The following ACSBG1 variants were observed in gnomAD, a reference collection of about 807,000 sequenced individuals.
ACSBG1 encodes acyl-CoA synthetase bubblegum family member 1, also known as long-chain-fatty-acid--CoA ligase ACSBG1.
ACSBG1 carries 39 observed loss-of-function variants against 80.2 expected under a neutral mutation model. The ratio of observed to expected loss-of-function variants is 0.49; its 90% confidence interval spans 0.38 to 0.64. The LOEUF (loss-of-function observed/expected upper bound fraction) is 0.64. Among genes scored for constraint, ACSBG1 ranks in the 30% least tolerant of loss-of-function variants. The probability of loss-of-function intolerance (pLI) is 0.00; values close to 1 mark genes in which losing one functional copy is unlikely to be tolerated. For synonymous variants in ACSBG1, 392 were observed against 379.5 expected, an observed-to-expected ratio of 1.03 and a Z score of -0.38; for missense variants, 828 against 966.4, an observed-to-expected ratio of 0.86 and a Z score of 1.90.
intron 1 of ACSBG1, among the ~76,000 whole-genome samples, chr15:78,230,204 C>G (rs1595909033): frequency 6.6e-6 from 1 of 152,228 alleles, no homozygotes; most frequent in African/African-American, 2.4e-5. Context: ...AGAACACAAG[C>G]TGCCAGAGCA....
chr15:78,219,268 C>T (rs1041539848), intron 1 of ACSBG1, among the ~76,000 whole-genome samples: 9 of 152,042 alleles, frequency 5.9e-5, no homozygotes, highest in Non-Finnish European at 1.2e-4. Context: ...GGTTATTGTG[C>T]ATGGTGGTGC....
At chr15:78,193,682 T>TCCCCCCCCCCCCCCACAGGAGCC in intron 4 of ACSBG1, 56 bp from the exon 5 acceptor site, 5 of 1,560,260 alleles carry the variant, frequency 3.2e-6, no homozygotes, top group Non-Finnish European at 4.3e-6. Context: ...GCCACCCCCT[T>TCCCCCCCCCCCCCCACAGGAGCC]CCCCCACCCC....
At chr15:78,232,926 C>A (rs757435642) in intron 1 of ACSBG1, among the ~76,000 whole-genome samples, 2 of 152,162 alleles carry the variant, frequency 1.3e-5, no homozygotes, top group Non-Finnish European at 2.9e-5. Context: ...GGTGATCCAC[C>A]CGACTCAGCC....
rs545869818 is a variant in ACSBG1 at position 78,177,514 on chromosome 15, C to T, written c.1702+1100G>A. ...TTTCTGGCTACTATCCTCCCCCATG[C>T]AGGGATGTGGGTCCCCTCATCGGCC... On this transcript the variant is annotated intron_variant, in intron 11 of 13. Coordinates refer to ENST00000258873, the MANE Select transcript of ACSBG1 (RefSeq NM_015162.5). This position sits in a 1 kb window ranked among gnomAD's most constrained non-coding sequence, Gnocchi z 4.1. Among the ~76,000 whole-genome samples the T allele has an allele frequency of 2.6e-5, 4 of 152,294 alleles. No homozygotes were observed. The highest frequency in any genetic ancestry group is 5.9e-5 in the Non-Finnish European group (4 of 68,020).
chr15:78,179,517 G>A (rs182556147), intron 10 of ACSBG1, 33 bp downstream of exon 10: 1 of 1,583,156 alleles, frequency 6.3e-7, no homozygotes, highest in Non-Finnish European at 8.7e-7. Context: ...AGGGCGCATG[G>A]GTGTGCATGT....
At chr15:78,222,487 A>G (rs2075366809) in intron 1 of ACSBG1, among the ~76,000 whole-genome samples, 1 of 152,040 alleles carries the variant, frequency 6.6e-6, no homozygotes, top group Non-Finnish European at 1.5e-5. Context: ...ACATGGTGAA[A>G]CCCTGTCTCC....
chr15:78,173,973 T>G (rs767363863), intron 12 of ACSBG1, 134 bp from the exon 13 acceptor site: 340 of 1,091,660 alleles, frequency 3.1e-4, no homozygotes, highest in Non-Finnish European at 4.3e-4. Context: ...GGTTCTAGAA[T>G]GAGTAGCTGC....
rs1182721562 is a variant in ACSBG1 at position 78,194,730 on chromosome 15, T to C, written c.233-4A>G. The C allele has an allele frequency of 6.2e-7, 1 of 1,611,084 alleles. No homozygotes were observed. The highest frequency in any genetic ancestry group is 1.3e-5 in the African/African-American group (1 of 74,860). ...CGAGTCGTCCACAGCGCCTCCTCTG[T>C]GGGGTGGGGGAGACCACAGCTTGGA... On this transcript the variant is annotated splice_polypyrimidine_tract_variant and splice_region_variant and intron_variant, in intron 2 of 13. Coordinates refer to ENST00000258873, the MANE Select transcript of ACSBG1 (RefSeq NM_015162.5).
chr15:78,169,708 G>A lies in ACSBG1; in HGVS notation c.*1736C>T, dbSNP rs554715362. 6.6e-6 allele frequency: 1 copy of A among 152,310 alleles called. No homozygotes were observed. The highest frequency in any genetic ancestry group is 1.9e-4 in the East Asian group (1 of 5,194). 9.4% of individuals were successfully genotyped at this position (152,310 alleles called of 1,614,324 possible). A position where few individuals can be genotyped will look rare whatever the true frequency, so the allele number is the denominator to read the frequency against. On this transcript the variant is annotated 3_prime_UTR_variant, in exon 14 of 14. Coordinates refer to ENST00000258873, the MANE Select transcript of ACSBG1 (RefSeq NM_015162.5). ...GTGTTCAATTATTTTGTTGTCTTGA[G>A]ATTTAATATTCTTTCCAAGAGCTTT... is the stretch of plus-strand genomic sequence containing the variant.
intron 8 of ACSBG1, 135 bp from the exon 9 acceptor site, chr15:78,181,071 G>T: frequency 2.0e-6 from 2 of 1,001,546 alleles, no homozygotes; most frequent in Non-Finnish European, 2.9e-6. Context: ...CGCAAGGGTG[G>T]CACATACTGT....
At chr15:78,220,622 T>C (rs1422290699) in intron 1 of ACSBG1, among the ~76,000 whole-genome samples, 2 of 152,106 alleles carry the variant, frequency 1.3e-5, no homozygotes, top group Non-Finnish European at 2.9e-5. Context: ...AACTCAATAA[T>C]AAGAAGACAA....
chr15:78,199,526 A>G (rs1292555712), intron 2 of ACSBG1, among the ~76,000 whole-genome samples: 1 of 152,078 alleles, frequency 6.6e-6, no homozygotes, highest in African/African-American at 2.4e-5. Flanking sequence ...TTGTCTCTAC[A>G]AAAAGTAGAT....
chr15:78,212,834 G>C (rs1299769533), intron 1 of ACSBG1: 1 of 281,258 alleles, frequency 3.6e-6, no homozygotes, highest in Non-Finnish European at 7.3e-6. Context: ...GGGACACCCT[G>C]CTGTAATTTA....
chr15:78,182,185 C>T, intron 7 of ACSBG1, 40 bp from the exon 8 acceptor site: 1 of 1,589,464 alleles, frequency 6.3e-7, no homozygotes, highest in Non-Finnish European at 8.5e-7. Flanking sequence ...TGTCCACAAG[C>T]CAGCCCTGGC....
intron 1 of ACSBG1, 146 bp downstream of exon 1, chr15:78,234,225 C>T (rs755491476): frequency 7.6e-4 from 891 of 1,165,894 alleles, no homozygotes; most frequent in Middle Eastern, 9.7e-4. Context: ...TTCCATCTTA[C>T]GGATCGCCCA....
intron 9 of ACSBG1, 87 bp from the exon 10 acceptor site, chr15:78,179,867 G>A: frequency 8.5e-7 from 1 of 1,172,188 alleles, no homozygotes; most frequent in Non-Finnish European, 1.2e-6. Flanking sequence ...AGGGTGGTAT[G>A]GTGGTATTCA....
intron 11 of ACSBG1, among the ~76,000 whole-genome samples, chr15:78,176,642 A>G (rs1172626062): frequency 6.6e-6 from 1 of 152,196 alleles, no homozygotes; most frequent in Admixed American, 6.5e-5. Flanking sequence ...TAGAAAACAT[A>G]GGCTGGATGC....
At chr15:78,193,437 G>A (rs2075075811) in intron 5 of ACSBG1, 69 bp downstream of exon 5, 1 of 1,546,208 alleles carries the variant, frequency 6.5e-7, no homozygotes, top group Non-Finnish European at 8.8e-7. Flanking sequence ...AAGGTTCCGT[G>A]TGAGTTGGAG....
chr15:78,174,422 T>C lies in ACSBG1; in HGVS notation c.1805A>G (p.Asp602Gly). 6.2e-7 allele frequency: 1 copy of C among 1,614,150 alleles called. No homozygotes were observed. Among genetic ancestry groups the C allele is most frequent in the Non-Finnish European group, 8.5e-7 (1 of 1,180,028 alleles). Residue 602 changes from aspartate (D) to glycine (G), a missense_variant, in exon 12 of 14, where the codon GAC (aspartate) becomes GGC (glycine). By Grantham distance (94) the Asp-to-Gly change is moderately conservative. Coordinates refer to ENST00000258873, the MANE Select transcript of ACSBG1 (RefSeq NM_015162.5). ...PIISNAMLIG[D>G]QRKFLSMLLT... is the part of the protein sequence containing the mutation. ...CAGCATGGACAGGAACTTCCTCTGGTCCCCAATGAGCATGGCGTTGCTGAT... is the reference window on the plus strand; with the variant it reads ...CAGCATGGACAGGAACTTCCTCTGGCCCCCAATGAGCATGGCGTTGCTGAT...
Sources: gnomAD v4.1 joint callset for allele counts (sites outside exome capture counted in the v4.1 genomes callset) on GRCh38, gnomAD v4.1.1 for gene constraint, Gnocchi (gnomAD v3.1) non-coding constraint, MANE v1.5 for transcripts, NCBI Gene and HGNC (gene_info 2026-07-23, HGNC 2026-07-21) for gene names.